TENM3: variants seen among roughly 807,000 people sequenced by gnomAD.
TENM3 encodes the protein teneurin-3.
A neutral mutation model predicts 255.1 loss-of-function variants in TENM3; 63 were observed. That is an observed-to-expected ratio of 0.25 (90% CI 0.20 to 0.30). The LOEUF (loss-of-function observed/expected upper bound fraction) is 0.30. Among genes scored for constraint, TENM3 ranks in the 10% least tolerant of loss-of-function variants. TENM3 has a pLI of 1.00. For missense variants in TENM3, 2,929 were observed against 3,461.1 expected (o/e 0.85, Z 3.86); for synonymous variants, 1,306 against 1,322.3 (o/e 0.99, Z 0.27).
At chr4:181,772,018 T>C in the TENM3 span, among the ~76,000 whole-genome samples, 1 of 152,188 alleles carries the variant, frequency 6.6e-6, no homozygotes, top group Non-Finnish European at 1.5e-5. Context: ...AGATTAATTA[T>C]GTAAATAGCA....
At chr4:181,949,577 G>A in the TENM3 span, among the ~76,000 whole-genome samples, 12 of 152,226 alleles carry the variant, frequency 7.9e-5, no homozygotes, top group East Asian at 3.9e-4. Context: ...GTCTCACCCA[G>A]ATTATTGTAA....
the TENM3 span, among the ~76,000 whole-genome samples, chr4:181,831,910 C>A: frequency 1.3e-5 from 2 of 151,466 alleles, no homozygotes; most frequent in Non-Finnish European, 2.9e-5. Context: ...CACTCTGTGT[C>A]AACCCTGCAT....
chr4:182,128,652 G>A, the TENM3 span, among the ~76,000 whole-genome samples: 3 of 151,968 alleles, frequency 2.0e-5, no homozygotes, highest in Non-Finnish European at 2.9e-5. Context: ...ATCATCCTGC[G>A]GTATAACACT....
intron 3 of TENM3, among the ~76,000 whole-genome samples, chr4:182,505,147 C>T (rs181277074): frequency 1.3e-5 from 2 of 152,262 alleles, no homozygotes; most frequent in Non-Finnish European, 2.9e-5. Context: ...TTAGAGTCAG[C>T]TTACAAGCCA....
chr4:181,735,580 G>A, the TENM3 span, among the ~76,000 whole-genome samples: 4 of 151,986 alleles, frequency 2.6e-5, no homozygotes, highest in East Asian at 7.7e-4. Flanking sequence ...AGATATCTCA[G>A]CATTAAAACT....
intron 1 of TENM3, among the ~76,000 whole-genome samples, chr4:182,280,667 A>T (rs1728169368): frequency 6.6e-6 from 1 of 152,226 alleles, no homozygotes; most frequent in African/African-American, 2.4e-5. Context: ...CGGAAAATTG[A>T]GTCCCATCCA....
chr4:182,795,872 C>T (rs902449486), intron 26 of TENM3, among the ~76,000 whole-genome samples: 2 of 152,208 alleles, frequency 1.3e-5, no homozygotes, highest in African/African-American at 2.4e-5. Flanking sequence ...TACACCCAAC[C>T]GTTCTCATAA....
chr4:181,974,911 A>G, the TENM3 span, among the ~76,000 whole-genome samples: 2 of 152,144 alleles, frequency 1.3e-5, no homozygotes, highest in Non-Finnish European at 2.9e-5. Context: ...TGTAACCGAT[A>G]GGTAATTTTT....
At chr4:182,074,313 G>T in the TENM3 span, among the ~76,000 whole-genome samples, 1 of 152,236 alleles carries the variant, frequency 6.6e-6, no homozygotes, top group Non-Finnish European at 1.5e-5. Flanking sequence ...TCCCAGGCAG[G>T]GTAGTGGGAG....
chr4:181,821,493 G>A, the TENM3 span: 1 of 152,160 alleles, frequency 6.6e-6, no homozygotes, highest in Non-Finnish European at 1.5e-5. Context: ...TAGTGCTAGT[G>A]AACACAGAGT....
intron 4 of TENM3, among the ~76,000 whole-genome samples, chr4:182,623,262 C>T (rs963750953): frequency 1.9e-4 from 29 of 151,912 alleles, no homozygotes; most frequent in Non-Finnish European, 4.0e-4. Flanking sequence ...ATCCACCTGT[C>T]CCCGCCTCCC....
At chr4:181,903,172 A>G in the TENM3 span, among the ~76,000 whole-genome samples, 1 of 152,094 alleles carries the variant, frequency 6.6e-6, no homozygotes, top group Non-Finnish European at 1.5e-5. Context: ...TTAAGGAAGC[A>G]TCTATATTGC....
intron 3 of TENM3, among the ~76,000 whole-genome samples, chr4:182,378,155 G>C (rs1156338780): frequency 6.6e-6 from 1 of 152,180 alleles, no homozygotes; most frequent in Admixed American, 6.5e-5. Flanking sequence ...GCTTCTTAAA[G>C]GCAGTGAGCT....
chr4:182,337,244 A>G (rs1468569585), intron 2 of TENM3, among the ~76,000 whole-genome samples: 1 of 152,228 alleles, frequency 6.6e-6, no homozygotes, highest in Non-Finnish European at 1.5e-5. Flanking sequence ...ATCAGACATT[A>G]CCTTTAAGAA....
At chr4:182,272,870 T>C (rs572483785) in intron 1 of TENM3, among the ~76,000 whole-genome samples, 2 of 152,248 alleles carry the variant, frequency 1.3e-5, no homozygotes, top group Non-Finnish European at 2.9e-5. Flanking sequence ...CTGAGTGAGA[T>C]GGTTTCCTTC....
intron 3 of TENM3, among the ~76,000 whole-genome samples, chr4:182,435,782 G>C (rs137941378): frequency 6.2e-4 from 95 of 152,284 alleles, no homozygotes; most frequent in Non-Finnish European, 1.1e-3. Context: ...TGCAGAGGAA[G>C]GTGATCTTTA....
chr4:182,415,321 T>C lies in TENM3; in HGVS notation c.511+68392T>C, dbSNP rs1048446453. ...TCAAATGTCGGAAATGTGCTATAGA[T>C]TTTTTGGCAGTAGGAAGGAAGTCAG... On this transcript the variant is annotated intron_variant, in intron 3 of 27. Coordinates refer to ENST00000511685, the MANE Select transcript of TENM3 (RefSeq NM_001080477.4). Among the ~76,000 whole-genome samples, 26 of 152,214 alleles carry C rather than the reference T, an allele frequency of 1.7e-4. 1 individual carries two copies. Among genetic ancestry groups the C allele is most frequent in the African/African-American group, 5.5e-4 (23 of 41,456 alleles).
chr4:181,963,284 T>C, the TENM3 span, among the ~76,000 whole-genome samples: 1 of 152,196 alleles, frequency 6.6e-6, no homozygotes, highest in Admixed American at 6.5e-5. Flanking sequence ...AAGAAATCAA[T>C]GACTAGTTGA....
At chr4:182,495,499 A>G (rs1735687897) in intron 3 of TENM3, among the ~76,000 whole-genome samples, 1 of 142,324 alleles carries the variant, frequency 7.0e-6, no homozygotes, top group African/African-American at 2.8e-5. Context: ...AGTTTCCTTT[A>G]AAAGTGAAAA....
Sources: gnomAD v4.1 joint callset for allele counts (sites outside exome capture counted in the v4.1 genomes callset) on GRCh38, gnomAD v4.1.1 for gene constraint, MANE v1.5 for transcripts, NCBI Gene and HGNC (gene_info 2026-07-23, HGNC 2026-07-21) for gene names.